The following PACRG variants were observed in gnomAD, a reference collection of about 807,000 sequenced individuals.
PACRG encodes the protein parkin coregulated.
In PACRG, 29 loss-of-function variants were observed where a neutral mutation model predicts 29.7. That is an observed-to-expected ratio of 0.98 (90% CI 0.73 to 1.33). The LOEUF is 1.33. Among genes scored for constraint, PACRG ranks in the 40% most tolerant of loss-of-function variants. The pLI is 0.00. For missense variants in PACRG, 279 were observed against 316.2 expected (o/e 0.88, Z 0.89); for synonymous variants, 116 against 118.7 (o/e 0.98, Z 0.15).
chr6:163,205,314 T>C (rs930942758), intron 4 of PACRG, among the ~76,000 whole-genome samples: 3 of 152,142 alleles, frequency 2.0e-5, no homozygotes, highest in African/African-American at 7.2e-5. Flanking sequence ...AACTTCAAAC[T>C]ATATGACAAG....
chr6:162,822,487 A>AT (rs1787925538), intron 2 of PACRG, among the ~76,000 whole-genome samples: 1 of 152,230 alleles, frequency 6.6e-6, no homozygotes, highest in African/African-American at 2.4e-5. Flanking sequence ...TGACAGAATC[A>AT]TTTTAAAGCC....
At chr6:162,740,800 C>A (rs1179233304) in intron 1 of PACRG, among the ~76,000 whole-genome samples, 2 of 148,968 alleles carry the variant, frequency 1.3e-5, no homozygotes, top group Non-Finnish European at 1.5e-5. Context: ...GGGGTTTCAC[C>A]ATGTTAGCCA....
intron 4 of PACRG, among the ~76,000 whole-genome samples, chr6:163,186,261 T>A (rs1181878036): frequency 1.3e-5 from 2 of 152,182 alleles, no homozygotes; most frequent in African/African-American, 4.8e-5. Flanking sequence ...GCTGCAAAGC[T>A]GCACACGCCT....
At chr6:162,740,186 T>A (rs1382463446) in intron 1 of PACRG, among the ~76,000 whole-genome samples, 1 of 152,244 alleles carries the variant, frequency 6.6e-6, no homozygotes, top group African/African-American at 2.4e-5. Context: ...GTTTATATCC[T>A]AGTTGACGTC....
intron 2 of PACRG, among the ~76,000 whole-genome samples, chr6:163,053,567 C>G (rs1373596020): frequency 1.3e-5 from 2 of 152,198 alleles, no homozygotes; most frequent in Middle Eastern, 6.8e-3. Context: ...TAAATGATTT[C>G]TAGTGAAATG....
chr6:162,744,284 A>C (rs926233795), intron 1 of PACRG, among the ~76,000 whole-genome samples: 11 of 152,196 alleles, frequency 7.2e-5, no homozygotes, highest in Non-Finnish European at 1.6e-4. Context: ...TGGGAAAGAT[A>C]TCAGAGACAT....
chr6:163,208,618 C>G (rs1281810825), intron 4 of PACRG, among the ~76,000 whole-genome samples: 1 of 152,098 alleles, frequency 6.6e-6, no homozygotes, highest in East Asian at 1.9e-4. Flanking sequence ...GTATCACTTC[C>G]TAGGATTTTA....
chr6:163,313,548 A>G (rs1038235461), intron 4 of PACRG, among the ~76,000 whole-genome samples: 1 of 152,240 alleles, frequency 6.6e-6, no homozygotes, highest in Non-Finnish European at 1.5e-5. Flanking sequence ...TGACTAATTA[A>G]GGATAAAAGG....
At chr6:162,764,400 ATTTTC>A (rs1782619358) in intron 1 of PACRG, among the ~76,000 whole-genome samples, 1 of 142,476 alleles carries the variant, frequency 7.0e-6, no homozygotes, top group Non-Finnish European at 1.5e-5. Context: ...TTGTTTTAAT[ATTTTC>A]TTATAACTGA....
At chr6:163,174,134 C>T (rs1779228704) in intron 4 of PACRG, among the ~76,000 whole-genome samples, 1 of 152,176 alleles carries the variant, frequency 6.6e-6, no homozygotes, top group Admixed American at 6.5e-5. Flanking sequence ...AGCAGGAATA[C>T]CCAATCTTTT....
intron 1 of PACRG, among the ~76,000 whole-genome samples, chr6:162,779,516 C>T (rs1331531270): frequency 6.6e-6 from 1 of 152,192 alleles, no homozygotes; most frequent in Admixed American, 6.5e-5. Flanking sequence ...ATTTGAACTG[C>T]TCTTTACTCC....
intron 4 of PACRG, among the ~76,000 whole-genome samples, chr6:163,269,940 AAAGAAAGAAAGAAAGAAAG>A (rs1562350043): frequency 3.2e-4 from 8 of 24,662 alleles, no homozygotes; most frequent in Non-Finnish European, 5.6e-4. Flanking sequence ...ACAAAGAAAG[AAAGAAAGAAAGAAAGAAAG>A]AAAGAAAGAA....
intron 4 of PACRG, among the ~76,000 whole-genome samples, chr6:163,214,177 C>G (rs1050925233): frequency 2.0e-5 from 3 of 152,076 alleles, no homozygotes; most frequent in Non-Finnish European, 4.4e-5. Context: ...TCACATTGAG[C>G]CTGGAGATGT....
chr6:162,968,561 G>A (rs1447007992), intron 2 of PACRG, among the ~76,000 whole-genome samples: 1 of 152,214 alleles, frequency 6.6e-6, no homozygotes. Flanking sequence ...ACACATTTCT[G>A]AGTTAACTTC....
chr6:162,903,571 C>T (rs1049282835), intron 2 of PACRG, among the ~76,000 whole-genome samples: 34 of 152,238 alleles, frequency 2.2e-4, no homozygotes, highest in South Asian at 4.2e-4. Context: ...CATCAGATCT[C>T]ATGAGACTGA....
rs190153674 is a variant in PACRG at position 162,759,647 on chromosome 6, G to T, written c.156+31256G>T. ...TGACCAGGTCTGAATATACTTTGGG[G>T]TACAAGAGATGTGTATTCGTTGGCT... On this transcript the variant is annotated intron_variant, in intron 1 of 4. Transcript: ENST00000366888. Among the ~76,000 whole-genome samples the T allele has an allele frequency of 5.9e-5, 9 of 152,192 alleles. No homozygotes were observed. In the East Asian group the frequency reaches 1.7e-3, roughly 29 times the overall value.
intron 4 of PACRG, among the ~76,000 whole-genome samples, chr6:163,149,542 A>G (rs371135545): frequency 2.0e-5 from 3 of 151,838 alleles, no homozygotes; most frequent in African/African-American, 7.2e-5. Context: ...CCCTAAAGCA[A>G]CCGCGTCTCC....
In PACRG at chr6:163,301,064, C is replaced by T. The variant is rs559831883; in HGVS notation, c.614-13763C>T. Among the ~76,000 whole-genome samples, 82 of 147,774 alleles carry T rather than the reference C, an allele frequency of 5.5e-4. 2 individuals carry two copies. Among genetic ancestry groups the T allele is most frequent in the African/African-American group, 1.8e-3 (72 of 39,906 alleles). ...CCCGTGAGTTTAGTAGGGCCACGTC[C>T]GCTGCTTCCCGTGAGTTTAGTAGGG... is the stretch of plus-strand genomic sequence containing the variant. On this transcript the variant is annotated intron_variant, in intron 4 of 4. Transcript: ENST00000366888.
At position 162,791,254 on chromosome 6, in the gene PACRG, G is replaced by T. The variant is rs1191829789; in HGVS notation, c.157-22893G>T. Among the ~76,000 whole-genome samples, 2 of 147,122 alleles carry T rather than the reference G, an allele frequency of 1.4e-5. 1 individual carries two copies. Among genetic ancestry groups the T allele is most frequent in the Non-Finnish European group, 3.0e-5 (2 of 67,056 alleles). ...ATTGGAAGCCAAGCTGAAAATGGGG[G>T]TTTTTGTGGGTATATTTGCTCTCTT... On this transcript the variant is annotated intron_variant, in intron 1 of 4. Transcript: ENST00000366888.
Sources: allele counts gnomAD v4.1 joint callset (sites outside exome capture counted in the v4.1 genomes callset), GRCh38; gene constraint gnomAD v4.1.1; transcripts MANE v1.5; gene names NCBI Gene and HGNC (gene_info 2026-07-23, HGNC 2026-07-21).